ZNF609: variants seen among roughly 807,000 people sequenced by gnomAD.
ZNF609 encodes the protein zinc finger protein 609.
ZNF609 carries 11 observed loss-of-function variants against 109.5 expected under a neutral mutation model. The ratio of observed to expected loss-of-function variants is 0.10; its 90% CI spans 0.06 to 0.17. The LOEUF is 0.17. Ranked by LOEUF, ZNF609 falls within the 10% of genes least tolerant of loss-of-function variation. The probability of loss-of-function intolerance (pLI) is 1.00; values close to 1 mark genes in which losing one functional copy is unlikely to be tolerated. For synonymous variants in ZNF609, 646 were observed against 662.0 expected, an observed-to-expected ratio of 0.98 and a Z score of 0.37; for missense variants, 1,559 against 1,772.4, an observed-to-expected ratio of 0.88 and a Z score of 2.16.
intron 3 of ZNF609, among the ~76,000 whole-genome samples, chr15:64,670,053 T>A (rs1205428863): frequency 6.6e-6 from 1 of 152,154 alleles, no homozygotes; most frequent in Non-Finnish European, 1.5e-5. Flanking sequence ...GACGATCGCT[T>A]GAGGCTGTAC....
intron 2 of ZNF609, among the ~76,000 whole-genome samples, chr15:64,517,489 G>C (rs1893830443): frequency 6.6e-6 from 1 of 152,158 alleles, no homozygotes; most frequent in Admixed American, 6.5e-5. Flanking sequence ...TAGTCAAGCA[G>C]TTCAAATTTA....
intron 2 of ZNF609, among the ~76,000 whole-genome samples, chr15:64,589,804 C>A (rs1342212851): frequency 2.6e-5 from 4 of 151,922 alleles, no homozygotes; most frequent in Non-Finnish European, 4.4e-5. Flanking sequence ...AATTAAATGG[C>A]TAAAAATTTT....
intron 2 of ZNF609, among the ~76,000 whole-genome samples, chr15:64,563,915 G>A (rs1466858779): frequency 6.6e-6 from 1 of 152,098 alleles, no homozygotes; most frequent in Non-Finnish European, 1.5e-5. Flanking sequence ...ACGGAGTCTC[G>A]CTCTGTCACC....
At chr15:64,602,889 ATTTTTTTTTT>A (rs10600562) in intron 2 of ZNF609, among the ~76,000 whole-genome samples, 79 of 75,170 alleles carry the variant, frequency 1.1e-3, no homozygotes, top group African/African-American at 3.8e-3. Flanking sequence ...CTCTGGGCTA[ATTTTTTTTTT>A]TTTTTTTTTT....
At chr15:64,630,091 CTTTTTTCTTTTTTTTTTTTT>C (rs935548549) in intron 3 of ZNF609, among the ~76,000 whole-genome samples, 5 of 143,062 alleles carry the variant, frequency 3.5e-5, no homozygotes, top group Admixed American at 3.5e-4. Flanking sequence ...TCCTAATTTT[CTTTTTTCTTTTTTTTTTTTT>C]TTTTGAGACA....
At chr15:64,654,516 G>A (rs577585045) in intron 3 of ZNF609, 2 of 151,940 alleles carry the variant, frequency 1.3e-5, no homozygotes, top group South Asian at 2.1e-4. Context: ...GACCAGGCTG[G>A]TCTTGACCTC....
chr15:64,628,109 C>CA (rs919539461), intron 3 of ZNF609, among the ~76,000 whole-genome samples: 68 of 151,036 alleles, frequency 4.5e-4, no homozygotes, highest in African/African-American at 1.5e-3. Context: ...CCTATCTCTA[C>CA]AAAAAAAATT....
intron 2 of ZNF609, chr15:64,529,534 A>G: frequency 8.2e-7 from 1 of 1,217,286 alleles, no homozygotes. Flanking sequence ...ATACAGGAAC[A>G]TGTAGACCAT....
chr15:64,624,941 G>A (rs1002073883), intron 3 of ZNF609, among the ~76,000 whole-genome samples: 1 of 151,822 alleles, frequency 6.6e-6, no homozygotes, highest in African/African-American at 2.4e-5. Context: ...TGTATTTTTA[G>A]TAGAGATGGG....
intron 1 of ZNF609, among the ~76,000 whole-genome samples, chr15:64,483,626 CCCTCCCACCTTGG>C (rs1458875423): frequency 6.6e-6 from 1 of 151,802 alleles, no homozygotes; most frequent in Non-Finnish European, 1.5e-5. Context: ...GCTCAGATGA[CCCTCCCACCTTGG>C]CCTCCCAAAG....
chr15:64,585,131 C>T (rs1895175238), intron 2 of ZNF609, among the ~76,000 whole-genome samples: 2 of 151,682 alleles, frequency 1.3e-5, no homozygotes, highest in South Asian at 4.2e-4. Flanking sequence ...TTGAGACCAT[C>T]CTGGCCAACA....
Position 64,675,117 on chromosome 15 carries a change from G to A in ZNF609, c.2263G>A (p.Glu755Lys), listed in dbSNP as rs1340921946. The A allele has an allele frequency of 6.2e-7, 1 of 1,614,144 alleles. No individual in the cohort carries two copies. The highest frequency in any genetic ancestry group is 8.5e-7 in the Non-Finnish European group (1 of 1,180,030). Residue 755 changes from glutamate (E) to lysine (K), a missense_variant, in exon 5 of 10, where the codon GAA becomes AAA. Coordinates refer to ENST00000326648, the MANE Select transcript of ZNF609 (RefSeq NM_015042.2). ...CCCTGGGAAGGTGTGTCGAGCAGAG[G>A]AAGGCAAAAGCCCATTCAGGGAATC... ...LTPGKVCRAE[E>K]GKSPFRESSG...
chr15:64,601,237 T>A (rs971186705), intron 2 of ZNF609, among the ~76,000 whole-genome samples: 4 of 152,220 alleles, frequency 2.6e-5, no homozygotes, highest in African/African-American at 9.6e-5. Context: ...ACGATGAGGC[T>A]GAGGAAGGAG....
chr15:64,604,616 G>T (rs1332748381), intron 2 of ZNF609, among the ~76,000 whole-genome samples: 1 of 152,050 alleles, frequency 6.6e-6, no homozygotes, highest in Non-Finnish European at 1.5e-5. Context: ...TAAATTTGTG[G>T]GTAATGTAGT....
chr15:64,674,477 C>T lies in ZNF609; in HGVS notation c.1623C>T (p.Leu541=), dbSNP rs769728755. 1.9e-6 allele frequency: 3 copies of T among 1,614,208 alleles called. No homozygotes were observed. The Admixed American group carries it at 5.0e-5, about 27-fold the overall frequency. ...GDSEYGEEPI[L]HADLGSCNGA... ...GTGAGTACGGAGAGGAACCTATTCT[C>T]CATGCAGATCTTGGGAGCTGCAACG... The change falls in exon 5 of 10, where the codon CTC becomes CTT. Residue 541 remains leucine (L), a synonymous_variant. Coordinates refer to ENST00000326648, the MANE Select transcript of ZNF609 (RefSeq NM_015042.2).
rs1027166954 is a variant in ZNF609 at position 64,614,451 on chromosome 15, G to A, written c.748-8376G>A. ...GGGTTTCACCGTGTTAGCCAGGATG[G>A]TCTTGATCTCCTGACCTTGTGATCG... On this transcript the variant is annotated intron_variant, in intron 2 of 9. Coordinates refer to ENST00000326648, the MANE Select transcript of ZNF609 (RefSeq NM_015042.2). 2.6e-5 allele frequency among the ~76,000 whole-genome samples: 4 copies of A among 151,266 alleles called. No individual in the cohort carries two copies. In the South Asian group the frequency reaches 8.3e-4, roughly 31 times the overall value.
At position 64,674,645 on chromosome 15, in the gene ZNF609, G is replaced by A. The variant is rs1194727530; in HGVS notation, c.1791G>A (p.Gly597=). 1.2e-6 allele frequency: 2 copies of A among 1,613,980 alleles called. No individual in the cohort carries two copies. Among genetic ancestry groups the A allele is most frequent in the African/African-American group, 2.7e-5 (2 of 74,892 alleles). The change falls in exon 5 of 10, where the codon GGG becomes GGA. Residue 597 remains glycine (G), a synonymous_variant. Coordinates refer to ENST00000326648, the MANE Select transcript of ZNF609 (RefSeq NM_015042.2). The part of the protein sequence containing the change: ...GLCKKKLSGE[G]DTDLGALSND... ...GTAAGAAAAAGTTGAGTGGGGAAGG[G>A]GACACAGACCTTGGGGCCTTATCCA...
chr15:64,545,426 T>A lies in ZNF609; in HGVS notation c.747+45260T>A, dbSNP rs1009014977. ...GTTGCCCAGGCTGGACTTGAACTCC[T>A]GAGCTCAAGGAATTCACCTGCCTCA... On this transcript the variant is annotated intron_variant, in intron 2 of 9. Coordinates refer to ENST00000326648, the MANE Select transcript of ZNF609 (RefSeq NM_015042.2). Among the ~76,000 whole-genome samples the A allele has an allele frequency of 2.0e-5, 3 of 152,180 alleles. No homozygotes were observed. The South Asian group carries it at 6.2e-4, about 32-fold the overall frequency.
intron 6 of ZNF609, among the ~76,000 whole-genome samples, chr15:64,678,870 C>G (rs1269971723): frequency 1.3e-5 from 2 of 152,214 alleles, no homozygotes; most frequent in African/African-American, 4.8e-5. Context: ...CCATTGAGTT[C>G]CTTCCACTCC....
Sources: allele counts gnomAD v4.1 joint callset (sites outside exome capture counted in the v4.1 genomes callset), GRCh38; gene constraint gnomAD v4.1.1; transcripts MANE v1.5; gene names NCBI Gene and HGNC (gene_info 2026-07-23, HGNC 2026-07-21).